Variants in CTNNA3 observed in about 807,000 individuals in gnomAD.
CTNNA3 encodes the protein catenin alpha 3, also known as catenin alpha-3.
Under a neutral mutation model 95.7 loss-of-function variants are expected in CTNNA3, and 76 were observed. The ratio of observed to expected loss-of-function variants is 0.79; its 90% confidence interval spans 0.66 to 0.96. CTNNA3 has a LOEUF of 0.96. CTNNA3 is among the 40% of genes least tolerant of loss of function. The pLI is 0.00. For missense variants in CTNNA3, 1,191 were observed against 1,089.8 expected, an observed-to-expected ratio of 1.09 and a Z score of -1.31; for synonymous variants, 431 against 374.4, an observed-to-expected ratio of 1.15 and a Z score of -1.74.
At chr10:66,914,810 A>G (rs144554500) in intron 7 of CTNNA3, among the ~76,000 whole-genome samples, 21 of 152,334 alleles carry the variant, frequency 1.4e-4, no homozygotes, top group African/African-American at 3.8e-4. Context: ...TAGACAATGC[A>G]TAAAAGAATG....
At chr10:66,036,003 C>G (rs1225341760) in intron 15 of CTNNA3, among the ~76,000 whole-genome samples, 1 of 152,126 alleles carries the variant, frequency 6.6e-6, no homozygotes, top group Non-Finnish European at 1.5e-5. Context: ...TACCCACTCA[C>G]CCCACACCAT....
At chr10:67,041,886 T>G (rs1854414238) in intron 7 of CTNNA3, among the ~76,000 whole-genome samples, 1 of 152,164 alleles carries the variant, frequency 6.6e-6, no homozygotes, top group Admixed American at 6.5e-5. Context: ...ATTCTCCCCC[T>G]GTGGGATTGG....
intron 7 of CTNNA3, among the ~76,000 whole-genome samples, chr10:67,011,439 A>G (rs1852332226): frequency 6.6e-6 from 1 of 151,966 alleles, no homozygotes. Context: ...GAAAAAACAG[A>G]AATTTACCCA....
intron 11 of CTNNA3, among the ~76,000 whole-genome samples, chr10:66,384,562 A>C (rs2092872637): frequency 6.6e-6 from 1 of 152,232 alleles, no homozygotes; most frequent in African/African-American, 2.4e-5. Flanking sequence ...GATATCCAGG[A>C]CCTGAACTCA....
chr10:66,360,804 C>CTTT lies in CTNNA3; in HGVS notation c.1732+18347_1732+18348insAAA, dbSNP rs1564897149. 1.4e-3 allele frequency among the ~76,000 whole-genome samples: 98 copies of CTTT among 69,872 alleles called. 9 individuals are homozygous for CTTT. The highest frequency in any genetic ancestry group is 1.8e-3 in the Non-Finnish European group (63 of 34,520). 45.8% of individuals were successfully genotyped at this position (69,872 alleles called of 152,430 possible). On this transcript the variant is annotated intron_variant, in intron 12 of 17. Transcript: ENST00000433211. ...TTCTTTCTTCCTTCCTTCCTTCCTT[C>CTTT]CTTCCTTCCTTCCTTTCTTTCTTTC... is the stretch of plus-strand genomic sequence containing the variant.
chr10:67,691,703 C>A (rs891635483), intron 1 of CTNNA3, among the ~76,000 whole-genome samples: 1 of 151,922 alleles, frequency 6.6e-6, no homozygotes, highest in Non-Finnish European at 1.5e-5. Flanking sequence ...CAGCAGCCAC[C>A]CCGTCTGGGA....
In CTNNA3 at chr10:66,553,922, G is replaced by A. The variant is rs138979931; in HGVS notation, c.1375-33149C>T. Among the ~76,000 whole-genome samples, 990 of 151,956 alleles carry A rather than the reference G, an allele frequency of 6.5e-3. 6 individuals carry two copies. Among genetic ancestry groups the A allele is most frequent in the Non-Finnish European group, 9.6e-3 (652 of 67,972 alleles). Reference sequence around the variant, plus strand: ...CCAAGCTGAATTATAGGCTATTTTTGTCATATATTTTATTCAAGTTATAAT... The same window carrying A: ...CCAAGCTGAATTATAGGCTATTTTTATCATATATTTTATTCAAGTTATAAT... On this transcript the variant is annotated intron_variant, in intron 10 of 17. Transcript: ENST00000433211.
intron 9 of CTNNA3, among the ~76,000 whole-genome samples, chr10:66,736,191 CTT>C (rs777713569): frequency 1.4e-5 from 2 of 144,904 alleles, no homozygotes; most frequent in Admixed American, 6.9e-5. Flanking sequence ...GTGACGAATA[CTT>C]TTTTTTTTTT....
At chr10:67,736,636 T>C (rs2133636746) in intron 1 of CTNNA3, among the ~76,000 whole-genome samples, 1 of 151,956 alleles carries the variant, frequency 6.6e-6, no homozygotes, top group Non-Finnish European at 1.5e-5. Context: ...TTGTACTTTT[T>C]AGTAGAGATG....
At chr10:66,410,984 C>A (rs2093100066) in intron 11 of CTNNA3, among the ~76,000 whole-genome samples, 1 of 152,144 alleles carries the variant, frequency 6.6e-6, no homozygotes, top group Admixed American at 6.5e-5. Context: ...CCCAAGATGG[C>A]ATAATATGTA....
At chr10:66,792,121 C>A (rs974772888) in intron 7 of CTNNA3, among the ~76,000 whole-genome samples, 1 of 152,082 alleles carries the variant, frequency 6.6e-6, no homozygotes, top group African/African-American at 2.4e-5. Flanking sequence ...AAATATCTTA[C>A]TCTCTAAAAA....
At chr10:66,923,070 A>G (rs1170252659) in intron 7 of CTNNA3, among the ~76,000 whole-genome samples, 1 of 152,192 alleles carries the variant, frequency 6.6e-6, no homozygotes, top group African/African-American at 2.4e-5. Context: ...CTAATATTTT[A>G]TACCCTCAGT....
chr10:66,926,221 A>G (rs989409772), intron 7 of CTNNA3: 1 of 450,290 alleles, frequency 2.2e-6, no homozygotes, highest in Non-Finnish European at 4.3e-6. Context: ...GCCTGGAAGA[A>G]TACATCATGT....
At chr10:67,130,472 T>G (rs1363757067) in intron 7 of CTNNA3, among the ~76,000 whole-genome samples, 51 of 152,138 alleles carry the variant, frequency 3.4e-4, no homozygotes, top group Admixed American at 3.3e-3. Context: ...AGACTCACAT[T>G]AGAAGTCACT....
chr10:67,266,039 G>T (rs1018808990), intron 5 of CTNNA3, among the ~76,000 whole-genome samples: 6 of 151,842 alleles, frequency 4.0e-5, no homozygotes, highest in African/African-American at 1.5e-4. Flanking sequence ...TTTCATGAAA[G>T]ATTTCAATAA....
rs557113091 is a variant in CTNNA3 at position 67,435,402 on chromosome 10, A to T, written c.579+86440T>A. Among the ~76,000 whole-genome samples the T allele has an allele frequency of 3.3e-3, 503 of 152,170 alleles. 3 individuals are homozygous for T. Among genetic ancestry groups the T allele is most frequent in the Non-Finnish European group, 5.9e-3 (403 of 67,928 alleles). The stretch of plus-strand genomic sequence containing the variant: ...CATTGAATAAGGAAAAGTTGAAAGC[A>T]TTCTCTCTGAGAAAGGGAATAGGCC... On this transcript the variant is annotated intron_variant, in intron 5 of 17. Transcript: ENST00000433211.
At chr10:67,545,121 G>A (rs890165644) in intron 3 of CTNNA3, among the ~76,000 whole-genome samples, 1 of 152,114 alleles carries the variant, frequency 6.6e-6, no homozygotes, top group Non-Finnish European at 1.5e-5. Context: ...TGCACAACGT[G>A]CAGGTTTGTT....
intron 5 of CTNNA3, among the ~76,000 whole-genome samples, chr10:67,357,716 C>G (rs1384498773): frequency 1.3e-5 from 2 of 151,830 alleles, no homozygotes; most frequent in African/African-American, 2.4e-5. Context: ...CCCCAAAGTT[C>G]TTATAAATAG....
chr10:66,489,838 C>T (rs907303133), intron 11 of CTNNA3, among the ~76,000 whole-genome samples: 21 of 152,172 alleles, frequency 1.4e-4, no homozygotes, highest in Non-Finnish European at 2.1e-4. Context: ...GAAAGTCAGA[C>T]GTAGACTACC....
Sources: allele counts gnomAD v4.1 joint callset (sites outside exome capture counted in the v4.1 genomes callset), GRCh38; gene constraint gnomAD v4.1.1; transcripts MANE v1.5; gene names NCBI Gene and HGNC (gene_info 2026-07-23, HGNC 2026-07-21).